The following EXOC1 variants were observed in gnomAD, a reference collection of about 807,000 sequenced individuals.
The protein encoded by EXOC1 is SEC3-like 1.
Under a neutral mutation model 107.7 loss-of-function variants are expected in EXOC1, and 67 were observed. The ratio of observed to expected loss-of-function variants is 0.62; its 90% confidence interval spans 0.51 to 0.76. EXOC1 has a LOEUF of 0.76. Ranked by LOEUF, EXOC1 falls within the 30% of genes least tolerant of loss-of-function variation. The probability of loss-of-function intolerance (pLI) is 0.00; values close to 1 mark genes in which losing one functional copy is unlikely to be tolerated. For missense variants in EXOC1, 833 were observed against 1,055.7 expected, an observed-to-expected ratio of 0.79 and a Z score of 2.92; for synonymous variants, 348 against 353.5, an observed-to-expected ratio of 0.98 and a Z score of 0.17.
intron 9 of EXOC1, among the ~76,000 whole-genome samples, chr4:55,881,470 G>A (rs567792651): frequency 7.2e-5 from 11 of 152,216 alleles, no homozygotes; most frequent in East Asian, 1.9e-4. Context: ...TTAAGGATGC[G>A]CACCCATGAT....
chr4:55,887,211 C>A (rs1004874278), intron 10 of EXOC1, among the ~76,000 whole-genome samples: 1 of 151,912 alleles, frequency 6.6e-6, no homozygotes, highest in Non-Finnish European at 1.5e-5. Flanking sequence ...TTTACATAAT[C>A]ATTGCCCTCC....
chr4:55,894,792 T>C (rs1006412394), intron 15 of EXOC1, among the ~76,000 whole-genome samples: 1 of 151,992 alleles, frequency 6.6e-6, no homozygotes, highest in Non-Finnish European at 1.5e-5. Context: ...CCTGCTAGTT[T>C]TGTATTTTTA....
chr4:55,904,324 C>CTTT lies in EXOC1; in HGVS notation c.2533-11_2533-9dup. On this transcript the variant is annotated intron_variant, in intron 18 of 18. Transcript: ENST00000381295. ...ATTATTTCCATTCATAGCCTAATGA[C>CTTT]TTTTTTTTTTAATAATAGGTGGTGT... 1 of 1,407,370 alleles carries CTTT rather than the reference C, an allele frequency of 7.1e-7. No homozygotes were observed. Among genetic ancestry groups the CTTT allele is most frequent in the Non-Finnish European group, 9.6e-7 (1 of 1,041,074 alleles). 87.2% of individuals were successfully genotyped at this position (1,407,370 alleles called of 1,614,324 possible).
At chr4:55,875,864 G>C in intron 8 of EXOC1, 1 of 917,388 alleles carries the variant, frequency 1.1e-6, no homozygotes, top group African/African-American at 1.8e-5. Flanking sequence ...CAGGAGTTTG[G>C]GGGCAACCTG....
chr4:55,876,027 G>T (rs1429187522), intron 8 of EXOC1: 1 of 982,884 alleles, frequency 1.0e-6, no homozygotes, highest in Admixed American at 6.2e-5. Context: ...TATCCTTCTG[G>T]CATCTTGGTT....
intron 16 of EXOC1, among the ~76,000 whole-genome samples, chr4:55,898,500 T>C (rs1725513026): frequency 6.6e-6 from 1 of 152,134 alleles, no homozygotes; most frequent in African/African-American, 2.4e-5. Flanking sequence ...TGCTAGCCAG[T>C]ACAAGACCTG....
chr4:55,902,451 G>A lies in EXOC1; in HGVS notation c.2445G>A (p.Glu815=). ...NKQELRKVIK[E]YPGKEVKKGL... is the part of the protein sequence containing the mutation. ...AAGAACTTCGTAAAGTCATTAAGGA[G>A]TACCCTGGAAAGGAAGTAAAAAAAG... Residue 815 remains glutamate, a synonymous_variant, in exon 18 of 19, where the codon GAG becomes GAA. Transcript: ENST00000381295. The A allele has an allele frequency of 1.3e-6, 2 of 1,586,532 alleles. No homozygotes were observed. Among genetic ancestry groups the A allele is most frequent in the South Asian group, 1.2e-5 (1 of 86,200 alleles).
chr4:55,868,551 A>C, intron 5 of EXOC1, 28 bp downstream of exon 5: 1 of 1,594,478 alleles, frequency 6.3e-7, no homozygotes, highest in African/African-American at 1.3e-5. Context: ...TCTATGAATA[A>C]GTGATGTATA....
chr4:55,878,763 G>A (rs541081723), intron 9 of EXOC1, among the ~76,000 whole-genome samples: 9 of 152,198 alleles, frequency 5.9e-5, no homozygotes, highest in Admixed American at 2.0e-4. Context: ...AAAAATACAC[G>A]CTTGTCCTAG....
intron 6 of EXOC1, 89 bp from the exon 7 acceptor site, chr4:55,871,012 C>T (rs1381228732): frequency 6.4e-7 from 1 of 1,551,956 alleles, no homozygotes; most frequent in Non-Finnish European, 8.7e-7. Context: ...TAAAATAATT[C>T]CAAAGACCTA....
chr4:55,888,118 T>C (rs1724103077), intron 10 of EXOC1, among the ~76,000 whole-genome samples: 1 of 152,218 alleles, frequency 6.6e-6, no homozygotes, highest in Non-Finnish European at 1.5e-5. Context: ...CAACTTCTAA[T>C]TTGAGTATAG....
intron 9 of EXOC1, chr4:55,882,694 T>G (rs1185945327): frequency 6.6e-6 from 1 of 152,184 alleles, no homozygotes; most frequent in Non-Finnish European, 1.5e-5. Flanking sequence ...TAAAATATTT[T>G]AAGACAATCA....
rs758431114 is a variant in EXOC1, at chr4:55,864,409, A to G, written c.415+23A>G. ...AAGGTAAAGTTAAATAAAAATGTATATGTAAAATCAATTATATCTTTAAGT... is the reference window on the plus strand; with the variant it reads ...AAGGTAAAGTTAAATAAAAATGTATGTGTAAAATCAATTATATCTTTAAGT... On this transcript the variant is annotated intron_variant, in intron 4 of 18. Transcript: ENST00000381295. The G allele has an allele frequency of 1.9e-5, 30 of 1,563,830 alleles. No individual in the cohort carries two copies. In the South Asian group the frequency reaches 3.4e-4, roughly 18 times the overall value.
chr4:55,868,316 T>G lies in EXOC1; in HGVS notation c.416-20T>G, dbSNP rs1484641987. On this transcript the variant is annotated intron_variant, in intron 4 of 18. Coordinates refer to ENST00000381295, the MANE Select transcript of EXOC1 (RefSeq NM_001024924.2). ...TTCTACTTTTTTGACTATTTTACTTTGAATTTTTACCTCTTTAAGAATCTG... is the reference window on the plus strand; with the variant it reads ...TTCTACTTTTTTGACTATTTTACTTGGAATTTTTACCTCTTTAAGAATCTG... 1 of 1,588,132 alleles carries G rather than the reference T, an allele frequency of 6.3e-7. No homozygotes were observed. Among genetic ancestry groups the G allele is most frequent in the South Asian group, 1.1e-5 (1 of 87,812 alleles).
In EXOC1 at chr4:55,902,369, G is replaced by A. The variant is rs1560368892; in HGVS notation, c.2363G>A (p.Arg788His). The A allele has an allele frequency of 2.0e-6, 3 of 1,495,032 alleles. No homozygotes were observed. Among genetic ancestry groups the A allele is most frequent in the South Asian group, 1.4e-5 (1 of 70,722 alleles). 92.6% of individuals were successfully genotyped at this position (1,495,032 alleles called of 1,614,324 possible). A position where few individuals can be genotyped will look rare whatever the true frequency, so the allele number is the denominator to read the frequency against. Residue 788 changes from arginine to histidine, a missense_variant, in exon 18 of 19, where the codon CGC becomes CAC. By Grantham distance (29) the Arg-to-His change is conservative. Coordinates refer to ENST00000381295, the MANE Select transcript of EXOC1 (RefSeq NM_001024924.2). ...CATTTCTTTGAAGGTGTTGAAGCTC[G>A]CGTGGCACAGGGCATAAGGGAGGAG... Reference protein sequence around the residue: ...LNHFFEGVEARVAQGIREEEV... With the variant: ...LNHFFEGVEAHVAQGIREEEV...
chr4:55,867,857 A>G (rs1330127725), intron 4 of EXOC1, among the ~76,000 whole-genome samples: 1 of 152,206 alleles, frequency 6.6e-6, no homozygotes, highest in Admixed American at 6.5e-5. Context: ...GTATTTGGCA[A>G]AAATATACAT....
rs1722482916 is a variant in EXOC1, at chr4:55,871,938, A to C, written c.1054A>C (p.Asn352His). The C allele has an allele frequency of 6.2e-7, 1 of 1,613,556 alleles. No individual in the cohort carries two copies. The highest frequency in any genetic ancestry group is 1.3e-5 in the African/African-American group (1 of 75,002). The change falls in exon 8 of 19, where the codon AAC becomes CAC. Residue 352 changes from asparagine to histidine, a missense_variant. Physicochemically the swap from Asn to His is moderately conservative, Grantham distance 68. This residue lies in a region of EXOC1 where 617 missense variants were observed against 701.3 expected (regional missense o/e 0.88). Coordinates refer to ENST00000381295, the MANE Select transcript of EXOC1 (RefSeq NM_001024924.2). ...TGCCCGGAGACTGGCCAGTCACCTC[A>C]ACAATGTTTTTGTTCAACAGGTAAT... ...LFARRLASHLNNVFVQQGHDQ... is the reference protein window; with the variant it reads ...LFARRLASHLHNVFVQQGHDQ...
At position 55,899,678 on chromosome 4, in the gene EXOC1, G is replaced by T. The variant is rs373360149; in HGVS notation, c.2138-7G>T. On this transcript the variant is annotated splice_region_variant and splice_polypyrimidine_tract_variant and intron_variant, in intron 16 of 18. Coordinates refer to ENST00000381295, the MANE Select transcript of EXOC1 (RefSeq NM_001024924.2). ...ATGTTATTTTATTTTTTCTGTTTTGGTTTTAGTGGAGAAAGTAGCAAATGA... is the reference window on the plus strand; with the variant it reads ...ATGTTATTTTATTTTTTCTGTTTTGTTTTTAGTGGAGAAAGTAGCAAATGA... 3.1e-6 allele frequency: 5 copies of T among 1,604,210 alleles called. No homozygotes were observed. Among genetic ancestry groups the T allele is most frequent in the Middle Eastern group, 1.7e-4 (1 of 5,948 alleles).
chr4:55,857,158 T>C (rs1721051733), intron 1 of EXOC1, among the ~76,000 whole-genome samples: 1 of 148,458 alleles, frequency 6.7e-6, no homozygotes, highest in Non-Finnish European at 1.5e-5. Context: ...TTACTTCATT[T>C]CCTTTTTTTC....
Sources: gnomAD v4.1 joint callset for allele counts (sites outside exome capture counted in the v4.1 genomes callset) on GRCh38, gnomAD v4.1.1 for gene constraint, gnomAD v4.1.1 regional missense constraint, MANE v1.5 for transcripts, NCBI Gene and HGNC (gene_info 2026-07-23, HGNC 2026-07-21) for gene names.